The following RAD18 variants were observed in gnomAD, a reference collection of about 807,000 sequenced individuals.
RAD18 encodes E3 ubiquitin-protein ligase RAD18.
A neutral mutation model predicts 60.4 loss-of-function variants in RAD18; 47 were observed. The observed-to-expected ratio is 0.78, with a 90% CI of 0.62 to 0.99. The LOEUF is 0.99. Among genes scored for constraint, RAD18 ranks in the 50% least tolerant of loss-of-function variants. RAD18 has a pLI of 0.00. For synonymous variants in RAD18, 225 were observed against 195.5 expected, an observed-to-expected ratio of 1.15 and a Z score of -1.26; for missense variants, 640 against 593.3, an observed-to-expected ratio of 1.08 and a Z score of -0.82.
intron 6 of RAD18, among the ~76,000 whole-genome samples, chr3:8,939,200 T>G (rs1045920756): frequency 2.0e-5 from 3 of 152,138 alleles, no homozygotes; most frequent in Non-Finnish European, 4.4e-5. Context: ...TTATATCTTA[T>G]ATTCAGAGTC....
intron 7 of RAD18, among the ~76,000 whole-genome samples, chr3:8,927,610 CAT>C (rs1559783564): frequency 6.6e-6 from 1 of 152,144 alleles, no homozygotes; most frequent in African/African-American, 2.4e-5. Flanking sequence ...CACATGCACA[CAT>C]ATGTTTATTG....
intron 7 of RAD18, among the ~76,000 whole-genome samples, chr3:8,915,160 A>AAAAG (rs1292335994): frequency 1.3e-4 from 19 of 151,340 alleles, no homozygotes; most frequent in Middle Eastern, 3.4e-3. Flanking sequence ...AAAAAAAAAA[A>AAAAG]AAAAGAAAAC....
At chr3:8,889,137 C>A (rs1230278684) in intron 12 of RAD18, among the ~76,000 whole-genome samples, 1 of 152,202 alleles carries the variant, frequency 6.6e-6, no homozygotes, top group Non-Finnish European at 1.5e-5. Flanking sequence ...CTTTTCCACT[C>A]TCCCAGTGAT....
At chr3:8,957,824 T>C (rs890057282) in intron 2 of RAD18, among the ~76,000 whole-genome samples, 8 of 152,210 alleles carry the variant, frequency 5.3e-5, no homozygotes, top group East Asian at 1.9e-4. Context: ...AGTATCTTAA[T>C]TGCAGTAGTA....
rs908420587 is a variant in RAD18 at position 8,879,722 on chromosome 3, T to C, written c.*1635A>G. On this transcript the variant is annotated 3_prime_UTR_variant, in exon 13 of 13. Coordinates refer to ENST00000264926, the MANE Select transcript of RAD18 (RefSeq NM_020165.4). The stretch of plus-strand genomic sequence containing the variant: ...TTTCTGCCCACCCCACTGGGAACCA[T>C]TGTTCTAGATGATCTTTGGCCACCT... The C allele has an allele frequency of 2.0e-5, 3 of 152,244 alleles. No individual in the cohort carries two copies. The highest frequency in any genetic ancestry group is 4.8e-5 in the African/African-American group (2 of 41,424). The allele number at this position is 152,244 out of a possible 1,614,324, so 9.4% of individuals were successfully genotyped here.
intron 12 of RAD18, among the ~76,000 whole-genome samples, chr3:8,885,665 G>C (rs1036473446): frequency 6.6e-6 from 1 of 152,180 alleles, no homozygotes; most frequent in Non-Finnish European, 1.5e-5. Flanking sequence ...GGAGGGAAGA[G>C]GGAAAAGGGA....
In RAD18 at chr3:8,934,912, A is replaced by C. The variant is rs367790017; in HGVS notation, c.889+959T>G. Among the ~76,000 whole-genome samples, 9 of 152,260 alleles carry C rather than the reference A, an allele frequency of 5.9e-5. No homozygotes were observed. In the East Asian group the frequency reaches 1.2e-3, roughly 20 times the overall value. On this transcript the variant is annotated intron_variant, in intron 7 of 12. Coordinates refer to ENST00000264926, the MANE Select transcript of RAD18 (RefSeq NM_020165.4). ...TGAAAAAAACATGACCATATAAAAA[A>C]ACATGAATGAATCTTATAATGTTGC...
chr3:8,900,753 C>G (rs250411), intron 10 of RAD18, among the ~76,000 whole-genome samples: 93,472 of 151,982 alleles, frequency 0.62, 29,960 homozygotes, highest in Middle Eastern at 0.71. Flanking sequence ...TATACAAAAT[C>G]CATCTTTTCA....
At position 8,925,207 on chromosome 3, in the gene RAD18, A is replaced by C. The variant is rs561873612; in HGVS notation, c.889+10664T>G. Reference sequence around the variant, plus strand: ...AAAGAGAGAAGAATCAAATAGACGCAATAAAAAATGATAAAGGGGATATCA... The same window carrying C: ...AAAGAGAGAAGAATCAAATAGACGCCATAAAAAATGATAAAGGGGATATCA... On this transcript the variant is annotated intron_variant, in intron 7 of 12. Coordinates refer to ENST00000264926, the MANE Select transcript of RAD18 (RefSeq NM_020165.4). Among the ~76,000 whole-genome samples, 259 of 149,476 alleles carry C rather than the reference A, an allele frequency of 1.7e-3. 2 individuals carry two copies. The highest frequency in any genetic ancestry group is 6.3e-3 in the African/African-American group (255 of 40,536).
chr3:8,914,231 G>A (rs1940158072), intron 7 of RAD18, among the ~76,000 whole-genome samples: 2 of 152,170 alleles, frequency 1.3e-5, no homozygotes. Context: ...AATACACCCT[G>A]TCAAACATTA....
chr3:8,896,035 C>T (rs1191567169), intron 11 of RAD18, among the ~76,000 whole-genome samples: 1 of 152,198 alleles, frequency 6.6e-6, no homozygotes, highest in African/African-American at 2.4e-5. Context: ...CCCCAACCCA[C>T]ACAGTTCCTG....
intron 7 of RAD18, among the ~76,000 whole-genome samples, chr3:8,919,638 A>G (rs923223403): frequency 1.3e-5 from 2 of 152,268 alleles, no homozygotes; most frequent in South Asian, 2.1e-4. Context: ...ATATATGCAT[A>G]TATTTCCCAG....
chr3:8,881,928 G>A (rs1939469730), intron 12 of RAD18, among the ~76,000 whole-genome samples: 1 of 152,200 alleles, frequency 6.6e-6, no homozygotes, highest in Admixed American at 6.5e-5. Flanking sequence ...AGAACGAGGT[G>A]GCTGCCATAC....
intron 4 of RAD18, among the ~76,000 whole-genome samples, chr3:8,942,625 C>T (rs186792516): frequency 1.5e-4 from 23 of 152,264 alleles, no homozygotes; most frequent in Admixed American, 1.3e-4. Flanking sequence ...ACCCTGGGAG[C>T]ATTTTCTAGG....
chr3:8,888,223 G>A (rs1457038573), intron 12 of RAD18, among the ~76,000 whole-genome samples: 1 of 152,188 alleles, frequency 6.6e-6, no homozygotes, highest in East Asian at 1.9e-4. Context: ...TCTAGGACCT[G>A]TGAGTATAAT....
intron 4 of RAD18, among the ~76,000 whole-genome samples, chr3:8,946,046 G>A (rs146012624): frequency 0.012 from 1,026 of 88,030 alleles, 7 homozygotes; most frequent in African/African-American, 0.046. Context: ...AAAGTCTACA[G>A]TAGTGTATGG....
intron 7 of RAD18, among the ~76,000 whole-genome samples, chr3:8,923,395 C>G (rs542540530): frequency 6.6e-6 from 1 of 152,214 alleles, no homozygotes; most frequent in African/African-American, 2.4e-5. Flanking sequence ...ACAAAGCCTC[C>G]AAGAAATATG....
chr3:8,885,518 G>A (rs1939544498), intron 12 of RAD18, among the ~76,000 whole-genome samples: 2 of 152,180 alleles, frequency 1.3e-5, no homozygotes. Context: ...TTTAAGTGGT[G>A]TTAGCTTAAA....
chr3:8,889,738 C>T (rs949055992), intron 12 of RAD18, among the ~76,000 whole-genome samples: 1 of 152,108 alleles, frequency 6.6e-6, no homozygotes, highest in Non-Finnish European at 1.5e-5. Flanking sequence ...GAGATCCAAT[C>T]ATTTAGGACC....
Sources: gnomAD v4.1 joint callset for allele counts (sites outside exome capture counted in the v4.1 genomes callset) on GRCh38, gnomAD v4.1.1 for gene constraint, MANE v1.5 for transcripts, NCBI Gene and HGNC (gene_info 2026-07-23, HGNC 2026-07-21) for gene names.